The following MRAP2 variants were observed in gnomAD, a reference collection of about 807,000 sequenced individuals.
The protein encoded by MRAP2 is melanocortin 2 receptor accessory protein 2.
A neutral mutation model predicts 17.4 loss-of-function variants in MRAP2; 20 were observed. The ratio of observed to expected loss-of-function variants is 1.15; its 90% CI spans 0.81 to 1.67. The LOEUF (loss-of-function observed/expected upper bound fraction) is 1.67, where lower values mean the gene tolerates loss of function less well. MRAP2 is among the 40% of genes most tolerant of loss of function. The pLI, the probability that MRAP2 is intolerant of heterozygous loss-of-function variation, is 0.00. For synonymous variants in MRAP2, 96 were observed against 88.4 expected (o/e 1.09, Z -0.48); for missense variants, 238 against 240.0 (o/e 0.99, Z 0.05).
intron 3 of MRAP2, among the ~76,000 whole-genome samples, chr6:84,072,899 C>T (rs544090555): frequency 1.4e-4 from 21 of 152,232 alleles, no homozygotes; most frequent in Non-Finnish European, 2.2e-4. Context: ...CCATACAAAT[C>T]GAAGGGCCGG....
intron 2 of MRAP2, among the ~76,000 whole-genome samples, chr6:84,057,679 T>C (rs983712922): frequency 1.3e-5 from 2 of 152,192 alleles, no homozygotes; most frequent in African/African-American, 2.4e-5. Context: ...TTTTAAGCAC[T>C]GGAGAGACAA....
the MRAP2 span, among the ~76,000 whole-genome samples, chr6:84,136,063 A>C: frequency 6.6e-6 from 1 of 152,196 alleles, no homozygotes; most frequent in African/African-American, 2.4e-5. Flanking sequence ...TGTCTTAAGC[A>C]GCCATTCCTG....
intron 3 of MRAP2, among the ~76,000 whole-genome samples, chr6:84,083,777 T>C (rs1247793008): frequency 6.6e-6 from 1 of 152,224 alleles, no homozygotes; most frequent in Non-Finnish European, 1.5e-5. Context: ...AATTTATTAA[T>C]CAGATCTCTT....
At chr6:84,049,870 G>T (rs958810838) in intron 1 of MRAP2, among the ~76,000 whole-genome samples, 6 of 152,004 alleles carry the variant, frequency 3.9e-5, no homozygotes, top group Admixed American at 3.3e-4. Flanking sequence ...AGGACTGCTG[G>T]GTAATTGAGT....
chr6:84,039,706 CTGCAAGG>C (rs2099487031), intron 1 of MRAP2, among the ~76,000 whole-genome samples: 1 of 152,154 alleles, frequency 6.6e-6, no homozygotes, highest in Non-Finnish European at 1.5e-5. Context: ...AATAATTCTC[CTGCAAGG>C]TGCATTTGTT....
chr6:84,049,900 A>G (rs2099489977), intron 1 of MRAP2, among the ~76,000 whole-genome samples: 1 of 152,142 alleles, frequency 6.6e-6, no homozygotes, highest in Non-Finnish European at 1.5e-5. Context: ...GATACACTAG[A>G]GAATGGCATA....
the MRAP2 span, among the ~76,000 whole-genome samples, chr6:84,140,205 G>A: frequency 6.6e-6 from 1 of 152,194 alleles, no homozygotes; most frequent in Non-Finnish European, 1.5e-5. Flanking sequence ...CAGCTCAGGG[G>A]AGTTTGTCTT....
intron 3 of MRAP2, among the ~76,000 whole-genome samples, chr6:84,066,994 T>C (rs1457986262): frequency 1.3e-5 from 2 of 152,172 alleles, no homozygotes; most frequent in Non-Finnish European, 2.9e-5. Context: ...ACCCGAGCAG[T>C]ATATGCTACA....
At chr6:84,067,903 A>G (rs553131842) in intron 3 of MRAP2, among the ~76,000 whole-genome samples, 12 of 152,026 alleles carry the variant, frequency 7.9e-5, no homozygotes, top group African/African-American at 2.9e-4. Context: ...ATTAAGTTCC[A>G]ACTATTTATC....
downstream of MRAP2, among the ~76,000 whole-genome samples, chr6:84,091,343 C>T (rs1015076164): frequency 2.0e-5 from 3 of 151,070 alleles, no homozygotes; most frequent in African/African-American, 7.3e-5. Flanking sequence ...ATTCTCCTGC[C>T]TCAGCTTCCC....
chr6:84,143,837 C>A, the MRAP2 span, among the ~76,000 whole-genome samples: 1 of 151,910 alleles, frequency 6.6e-6, no homozygotes, highest in African/African-American at 2.4e-5. Flanking sequence ...TTTTCTTTAC[C>A]TTTAAGTTAA....
chr6:84,054,797 G>T (rs1027093786), intron 1 of MRAP2, among the ~76,000 whole-genome samples: 5 of 152,134 alleles, frequency 3.3e-5, no homozygotes, highest in African/African-American at 1.2e-4. Context: ...GCTTGGGAAT[G>T]GTACAGGAGG....
intron 3 of MRAP2, among the ~76,000 whole-genome samples, chr6:84,063,593 A>T (rs2099493726): frequency 6.6e-6 from 1 of 152,234 alleles, no homozygotes; most frequent in South Asian, 2.1e-4. Context: ...GAGTGCTTAA[A>T]GAACATTGAG....
chr6:84,125,400 G>A, the MRAP2 span: 2 of 743,234 alleles, frequency 2.7e-6, no homozygotes, highest in Admixed American at 2.5e-5. Flanking sequence ...ATAATGCTCT[G>A]CGTGGATGCA....
At chr6:84,036,802 T>G (rs2099486147) in intron 1 of MRAP2, among the ~76,000 whole-genome samples, 1 of 152,216 alleles carries the variant, frequency 6.6e-6, no homozygotes. Flanking sequence ...TGGTCCGTTT[T>G]GACAGGGTGC....
chr6:84,087,355 T>C (rs959297579), intron 3 of MRAP2, among the ~76,000 whole-genome samples: 4 of 152,216 alleles, frequency 2.6e-5, no homozygotes, highest in African/African-American at 9.6e-5. Flanking sequence ...CAATCAGATA[T>C]GCATTTATCT....
At chr6:84,073,987 A>G (rs1046765306) in intron 3 of MRAP2, among the ~76,000 whole-genome samples, 1 of 152,018 alleles carries the variant, frequency 6.6e-6, no homozygotes, top group African/African-American at 2.4e-5. Context: ...AGGGAAGCCA[A>G]AAGATTGGAC....
the MRAP2 span, among the ~76,000 whole-genome samples, chr6:84,134,961 T>C: frequency 7.3e-5 from 11 of 150,330 alleles, no homozygotes; most frequent in African/African-American, 2.5e-4. Context: ...CACACATATA[T>C]AGTGTTAGGT....
Position 84,055,396 on chromosome 6 carries a change from A to G in MRAP2, c.78A>G (p.Glu26=), listed in dbSNP as rs374857377. ...ASNSDYTWEY[E]YYEIGPVSFE... ...ATTCTGATTACACCTGGGAATATGA[A>G]TATTATGAGATTGGACCAGTTTCCT... Residue 26 remains glutamate (E), a synonymous_variant, in exon 2 of 4, where the codon GAA becomes GAG. Transcript: ENST00000257776. 6.8e-6 allele frequency: 11 copies of G among 1,613,266 alleles called. No homozygotes were observed. The highest frequency in any genetic ancestry group is 9.3e-6 in the Non-Finnish European group (11 of 1,179,772).
Sources: allele counts gnomAD v4.1 joint callset (sites outside exome capture counted in the v4.1 genomes callset), GRCh38; gene constraint gnomAD v4.1.1; transcripts MANE v1.5; gene names NCBI Gene and HGNC (gene_info 2026-07-23, HGNC 2026-07-21).